ROR2: variants seen among roughly 807,000 people sequenced by gnomAD.
The protein encoded by ROR2 is tyrosine-protein kinase transmembrane receptor ROR2.
Under a neutral mutation model 74.9 loss-of-function variants are expected in ROR2, and 33 were observed. The observed-to-expected ratio is 0.44, with a 90% confidence interval of 0.33 to 0.59. The LOEUF (loss-of-function observed/expected upper bound fraction) is 0.59, where lower values mean the gene tolerates loss of function less well. Ranked by LOEUF, ROR2 falls within the 20% of genes least tolerant of loss-of-function variation. The pLI, the probability that ROR2 is intolerant of heterozygous loss-of-function variation, is 0.02. For missense variants in ROR2, 1,216 were observed against 1,313.8 expected (o/e 0.93, Z 1.15); for synonymous variants, 586 against 558.7 (o/e 1.05, Z -0.69).
chr9:91,819,422 T>C (rs1828059456), intron 1 of ROR2, among the ~76,000 whole-genome samples: 1 of 152,162 alleles, frequency 6.6e-6, no homozygotes, highest in Non-Finnish European at 1.5e-5. Context: ...TGAGTGTGTC[T>C]GTTAGTCTCT....
intron 1 of ROR2, among the ~76,000 whole-genome samples, chr9:91,839,249 GGGGTGT>G (rs1323720565): frequency 7.6e-4 from 101 of 132,676 alleles, no homozygotes; most frequent in East Asian, 2.8e-3. Context: ...TGTCAGATCG[GGGGTGT>G]GTGTGTGTGT....
At chr9:91,742,470 G>C (rs1361501305) in intron 4 of ROR2, among the ~76,000 whole-genome samples, 1 of 152,220 alleles carries the variant, frequency 6.6e-6, no homozygotes, top group African/African-American at 2.4e-5. Flanking sequence ...GGTATTTCAG[G>C]AGGGATGGAA....
chr9:91,950,086 C>T lies in ROR2; in HGVS notation c.-123G>A. The T allele has an allele frequency of 2.1e-6, 1 of 469,480 alleles. No homozygotes were observed. The highest frequency in any genetic ancestry group is 3.6e-6 in the Non-Finnish European group (1 of 275,848). The allele number at this position is 469,480 out of a possible 1,614,324, so 29.1% of individuals were successfully genotyped here. On this transcript the variant is annotated 5_prime_UTR_variant, in exon 1 of 9. Coordinates refer to ENST00000375708, the MANE Select transcript of ROR2 (RefSeq NM_004560.4). The stretch of plus-strand genomic sequence containing the variant: ...CTCCCTGGCGCTTCGCAAACGGGTC[C>T]ACTTCGAGGACCTCGTCGTCGTCCT...
In ROR2 at chr9:91,730,996, C is replaced by T. The variant is rs750808514; in HGVS notation, c.1097G>A (p.Arg366Gln). The T allele has an allele frequency of 1.9e-6, 3 of 1,614,038 alleles. No homozygotes were observed. The highest frequency in any genetic ancestry group is 1.7e-5 in the Admixed American group (1 of 60,004). The part of the protein sequence containing the change: ...PELGGGHAYC[R>Q]NPGGQMEGPW... ...GCCCTCCATCTGGCCTCCGGGGTTC[C>T]GGCAGTAGGCGTGCCCCCCTCCAAG... Residue 366 changes from arginine to glutamine, a missense_variant, in exon 7 of 9, where the codon CGG (arginine) becomes CAG (glutamine). By Grantham distance (43) the Arg-to-Gln change is conservative. Coordinates refer to ENST00000375708, the MANE Select transcript of ROR2 (RefSeq NM_004560.4).
intron 2 of ROR2, among the ~76,000 whole-genome samples, chr9:91,762,174 T>C (rs1825932921): frequency 6.6e-6 from 1 of 152,218 alleles, no homozygotes; most frequent in Admixed American, 6.5e-5. Flanking sequence ...CATCTACTGC[T>C]GAATCCAGTC....
intron 1 of ROR2, among the ~76,000 whole-genome samples, chr9:91,938,008 G>A (rs1053777354): frequency 6.6e-5 from 10 of 152,158 alleles, no homozygotes; most frequent in East Asian, 3.8e-4. Context: ...AAGGGCCATC[G>A]TGCCCAGCCT....
intron 1 of ROR2, among the ~76,000 whole-genome samples, chr9:91,874,789 G>A (rs1829909280): frequency 6.6e-6 from 1 of 152,120 alleles, no homozygotes; most frequent in Admixed American, 6.5e-5. Context: ...TACAAAATTA[G>A]CCAGGCATGG....
chr9:91,925,876 C>T (rs1831382425), intron 1 of ROR2, among the ~76,000 whole-genome samples: 1 of 152,196 alleles, frequency 6.6e-6, no homozygotes, highest in African/African-American at 2.4e-5. Context: ...GGGTTTCCTC[C>T]TGGTGAGAAA....
chr9:91,828,712 T>A (rs986466113), intron 1 of ROR2, among the ~76,000 whole-genome samples: 15 of 152,282 alleles, frequency 9.9e-5, no homozygotes, highest in Middle Eastern at 6.8e-3. Flanking sequence ...AGACCCTGTC[T>A]CAAATAAATA....
chr9:91,927,161 G>C (rs550277648), intron 1 of ROR2, among the ~76,000 whole-genome samples: 1 of 152,164 alleles, frequency 6.6e-6, no homozygotes, highest in Non-Finnish European at 1.5e-5. Context: ...TTTTCAGACC[G>C]TAAGTCTTTC....
intron 8 of ROR2, 35 bp from the exon 9 acceptor site, chr9:91,725,142 T>C: frequency 3.1e-6 from 5 of 1,610,652 alleles, no homozygotes; most frequent in Middle Eastern, 1.6e-4. Flanking sequence ...GAAACATCAC[T>C]GTCACCGCAG....
intron 2 of ROR2, among the ~76,000 whole-genome samples, chr9:91,774,185 GC>G (rs1826337902): frequency 1.3e-5 from 2 of 152,236 alleles, no homozygotes; most frequent in African/African-American, 4.8e-5. Context: ...AGCTTTCAGA[GC>G]ATGCGTTTAC....
intron 1 of ROR2, among the ~76,000 whole-genome samples, chr9:91,857,747 C>T (rs1829342709): frequency 6.6e-6 from 1 of 152,186 alleles, no homozygotes; most frequent in South Asian, 2.1e-4. Context: ...CCCACAGCTC[C>T]CAGCGATCAA....
At chr9:91,763,999 C>G (rs1447306365) in intron 2 of ROR2, among the ~76,000 whole-genome samples, 1 of 152,086 alleles carries the variant, frequency 6.6e-6, no homozygotes, top group East Asian at 1.9e-4. Context: ...TTTGATCAAG[C>G]TTGTTGATTT....
At chr9:91,854,131 G>A (rs1003615649) in intron 1 of ROR2, among the ~76,000 whole-genome samples, 2 of 152,136 alleles carry the variant, frequency 1.3e-5, no homozygotes, top group African/African-American at 2.4e-5. Flanking sequence ...CAGACCCTAC[G>A]TCTCAGAGCT....
intron 1 of ROR2, among the ~76,000 whole-genome samples, chr9:91,839,247 C>CGGGG (rs11420421): frequency 7.1e-5 from 7 of 97,960 alleles, no homozygotes; most frequent in African/African-American, 3.3e-4. Flanking sequence ...GCTGTCAGAT[C>CGGGG]GGGGGTGTGT....
chr9:91,871,682 T>C (rs1336531735), intron 1 of ROR2, among the ~76,000 whole-genome samples: 2 of 152,202 alleles, frequency 1.3e-5, no homozygotes, highest in Non-Finnish European at 2.9e-5. Flanking sequence ...AAAGTGGCCT[T>C]GAGTGCTGGT....
rs1286018829 is a variant in ROR2, at chr9:91,733,230, T to C, written c.829A>G (p.Ile277Val). 5 of 1,612,614 alleles carry C rather than the reference T, an allele frequency of 3.1e-6. No homozygotes were observed. Among genetic ancestry groups the C allele is most frequent in the East Asian group, 2.2e-5 (1 of 44,876 alleles). The change falls in exon 6 of 9, where the codon ATC becomes GTC. Residue 277 changes from isoleucine to valine, a missense_variant. Physicochemically the swap from Ile to Val is conservative, Grantham distance 29. Coordinates refer to ENST00000375708, the MANE Select transcript of ROR2 (RefSeq NM_004560.4). The surrounding 1 kb of genome is among the most constrained non-coding windows in gnomAD (Gnocchi z 5.7). The stretch of plus-strand genomic sequence containing the variant: ...TTGGGCAGCTGAAGCCGCATGAGGA[T>C]GAGCGGGTTGGAGCGGGCGATGGTG... ...EYTIARSNPL[I>V]LMRLQLPKCE...
intron 1 of ROR2, among the ~76,000 whole-genome samples, chr9:91,882,074 G>T (rs545431146): frequency 1.3e-5 from 2 of 152,148 alleles, no homozygotes; most frequent in East Asian, 3.9e-4. Flanking sequence ...CTGTCCTTTC[G>T]ACCTTGAATG....
Sources: gnomAD v4.1 joint callset for allele counts (sites outside exome capture counted in the v4.1 genomes callset) on GRCh38, gnomAD v4.1.1 for gene constraint, Gnocchi (gnomAD v3.1) non-coding constraint, MANE v1.5 for transcripts, NCBI Gene and HGNC (gene_info 2026-07-23, HGNC 2026-07-21) for gene names.